DOK6: variants seen among roughly 807,000 people sequenced by gnomAD.
DOK6 encodes the protein docking protein 6.
In DOK6, 22 loss-of-function variants were observed where a neutral mutation model predicts 44.0. The ratio of observed to expected loss-of-function variants is 0.50; its 90% confidence interval spans 0.36 to 0.71. DOK6 has a LOEUF of 0.71. Ranked by LOEUF, DOK6 falls within the 30% of genes least tolerant of loss-of-function variation. The pLI is 0.00. For synonymous variants in DOK6, 166 were observed against 145.5 expected, an observed-to-expected ratio of 1.14 and a Z score of -1.01; for missense variants, 340 against 416.4, an observed-to-expected ratio of 0.82 and a Z score of 1.60.
intron 1 of DOK6, among the ~76,000 whole-genome samples, chr18:69,528,470 CA>C (rs1247569277): frequency 2.0e-5 from 3 of 152,232 alleles, no homozygotes; most frequent in East Asian, 3.9e-4. Flanking sequence ...TGAATTAGTG[CA>C]GGGAGAACTT....
chr18:69,741,854 T>C (rs1010381600), intron 6 of DOK6, among the ~76,000 whole-genome samples: 3 of 152,174 alleles, frequency 2.0e-5, no homozygotes, highest in Non-Finnish European at 4.4e-5. Context: ...AAATACTCTC[T>C]AACTCTTCAT....
intron 1 of DOK6, among the ~76,000 whole-genome samples, chr18:69,511,625 C>A (rs1981367273): frequency 3.3e-5 from 5 of 152,158 alleles, no homozygotes; most frequent in Admixed American, 2.6e-4. Flanking sequence ...TAGGCCCATA[C>A]TGTCATTGTT....
At chr18:69,772,224 A>G (rs550181126) in intron 7 of DOK6, among the ~76,000 whole-genome samples, 2 of 152,054 alleles carry the variant, frequency 1.3e-5, no homozygotes, top group East Asian at 3.9e-4. Context: ...ATAGATACAA[A>G]TAAGTGGAAA....
chr18:69,518,479 A>G (rs1981594323), intron 1 of DOK6, among the ~76,000 whole-genome samples: 1 of 152,180 alleles, frequency 6.6e-6, no homozygotes, highest in African/African-American at 2.4e-5. Flanking sequence ...ACTTACAAAA[A>G]ATATTGCATT....
chr18:69,406,996 G>A (rs369278999), intron 1 of DOK6, among the ~76,000 whole-genome samples: 349 of 152,268 alleles, frequency 2.3e-3, no homozygotes, highest in African/African-American at 8.1e-3. Context: ...CAGGAGAATC[G>A]CTTGAACTCG....
At chr18:69,432,947 T>G (rs967853633) in intron 1 of DOK6, among the ~76,000 whole-genome samples, 1 of 152,194 alleles carries the variant, frequency 6.6e-6, no homozygotes, top group Non-Finnish European at 1.5e-5. Flanking sequence ...CATTCCATGT[T>G]AATAAATCAA....
At chr18:69,742,907 C>T (rs1978853972) in intron 6 of DOK6, among the ~76,000 whole-genome samples, 1 of 152,194 alleles carries the variant, frequency 6.6e-6, no homozygotes, top group Non-Finnish European at 1.5e-5. Flanking sequence ...TGGCAAGAGC[C>T]TGACAGATTA....
intron 5 of DOK6, among the ~76,000 whole-genome samples, chr18:69,704,203 C>T (rs974798490): frequency 2.0e-5 from 3 of 152,156 alleles, no homozygotes; most frequent in Non-Finnish European, 2.9e-5. Flanking sequence ...CTATTAATAG[C>T]CCACCACCCA....
In DOK6 at chr18:69,721,893, C is replaced by T. The variant is rs556655317; in HGVS notation, c.600-17072C>T. Among the ~76,000 whole-genome samples the T allele has an allele frequency of 2.2e-3, 341 of 152,190 alleles. 1 individual carries two copies. The highest frequency in any genetic ancestry group is 4.1e-3 in the Non-Finnish European group (276 of 68,000). On this transcript the variant is annotated intron_variant, in intron 5 of 7. Transcript: ENST00000382713. ...AAAGGATCATTGAAAGTTTATTCTC[C>T]GTAAGGCAAACTGTGAATATACCAT...
At chr18:69,426,537 C>T (rs1232096378) in intron 1 of DOK6, among the ~76,000 whole-genome samples, 2 of 151,950 alleles carry the variant, frequency 1.3e-5, no homozygotes, top group Admixed American at 1.3e-4. Flanking sequence ...AAGATATAAA[C>T]GACTAAACTT....
chr18:69,798,076 C>G (rs151337535), intron 7 of DOK6, among the ~76,000 whole-genome samples: 1,574 of 152,192 alleles, frequency 0.01, 15 homozygotes, highest in Middle Eastern at 0.017. Context: ...CAAATCTAGT[C>G]TGTGGACATA....
intron 7 of DOK6, among the ~76,000 whole-genome samples, chr18:69,770,890 C>T (rs1248478089): frequency 6.6e-6 from 1 of 151,948 alleles, no homozygotes; most frequent in East Asian, 1.9e-4. Context: ...GGCATTAATG[C>T]TGACATATGG....
Position 69,401,139 on chromosome 18 carries a change from T to A in DOK6, c.-106T>A. ...GAAGAGCGGGCGGCGGCGCTGCTGCTGGCGGCGGCCGGCTGGATGCGAGAC... is the reference window on the plus strand; with the variant it reads ...GAAGAGCGGGCGGCGGCGCTGCTGCAGGCGGCGGCCGGCTGGATGCGAGAC... On this transcript the variant is annotated 5_prime_UTR_variant, in exon 1 of 8. Transcript: ENST00000382713. 8.4e-7 allele frequency: 1 copy of A among 1,195,232 alleles called. No individual in the cohort carries two copies. The highest frequency in any genetic ancestry group is 1.1e-6 in the Non-Finnish European group (1 of 918,918). The allele number at this position is 1,195,232 out of a possible 1,614,324, so 74.0% of individuals were successfully genotyped here.
At chr18:69,610,029 T>G (rs191389320) in intron 3 of DOK6, among the ~76,000 whole-genome samples, 16 of 152,316 alleles carry the variant, frequency 1.1e-4, no homozygotes, top group Admixed American at 1.0e-3. Context: ...GGCTAACCAA[T>G]GGGCATAAAG....
intron 1 of DOK6, among the ~76,000 whole-genome samples, chr18:69,403,041 C>A (rs542482417): frequency 1.3e-5 from 2 of 152,140 alleles, no homozygotes; most frequent in South Asian, 2.1e-4. Context: ...CTTTGCTTTA[C>A]GACTGGATGC....
chr18:69,708,484 A>G (rs1369507701), intron 5 of DOK6, among the ~76,000 whole-genome samples: 1 of 152,310 alleles, frequency 6.6e-6, no homozygotes, highest in East Asian at 1.9e-4. Flanking sequence ...TATGAGGATC[A>G]AATGAAATAA....
At chr18:69,597,464 C>T (rs1983770725) in intron 2 of DOK6, among the ~76,000 whole-genome samples, 1 of 152,174 alleles carries the variant, frequency 6.6e-6, no homozygotes, top group South Asian at 2.1e-4. Flanking sequence ...TTAGGGCAAA[C>T]AGCACTGTAC....
At chr18:69,654,618 C>G (rs969452153) in intron 3 of DOK6, among the ~76,000 whole-genome samples, 27 of 152,208 alleles carry the variant, frequency 1.8e-4, no homozygotes, top group African/African-American at 5.1e-4. Flanking sequence ...GCTTGCCCCT[C>G]TTATGAATAT....
At chr18:69,810,957 C>G (rs777197228) in intron 7 of DOK6, among the ~76,000 whole-genome samples, 3 of 151,878 alleles carry the variant, frequency 2.0e-5, no homozygotes, top group Non-Finnish European at 4.4e-5. Context: ...GGTTATTTAG[C>G]CAAAGGAAAT....
Sources: gnomAD v4.1 joint callset for allele counts (sites outside exome capture counted in the v4.1 genomes callset) on GRCh38, gnomAD v4.1.1 for gene constraint, MANE v1.5 for transcripts, NCBI Gene and HGNC (gene_info 2026-07-23, HGNC 2026-07-21) for gene names.